PTPRD: variants seen among roughly 807,000 people sequenced by gnomAD.
The protein encoded by PTPRD is protein tyrosine phosphatase receptor type D.
Under a neutral mutation model 214.5 loss-of-function variants are expected in PTPRD, and 34 were observed. The ratio of observed to expected loss-of-function variants is 0.16; its 90% CI spans 0.12 to 0.21. PTPRD has a LOEUF of 0.21. Among genes scored for constraint, PTPRD ranks in the 10% least tolerant of loss-of-function variants. The probability of loss-of-function intolerance (pLI) is 1.00; values close to 1 mark genes in which losing one functional copy is unlikely to be tolerated. For missense variants in PTPRD, 2,545 were observed against 2,398.7 expected, an observed-to-expected ratio of 1.06 and a Z score of -1.27; for synonymous variants, 1,128 against 845.7, an observed-to-expected ratio of 1.33 and a Z score of -5.79.
chr9:9,783,982 A>C (rs879799208), intron 5 of PTPRD, among the ~76,000 whole-genome samples: 1 of 152,082 alleles, frequency 6.6e-6, no homozygotes, highest in Non-Finnish European at 1.5e-5. Context: ...AGTGGGGAAA[A>C]AATTCTTGGT....
chr9:10,249,633 A>AT (rs985381006), intron 3 of PTPRD, among the ~76,000 whole-genome samples: 5 of 152,110 alleles, frequency 3.3e-5, no homozygotes, highest in Admixed American at 2.0e-4. Flanking sequence ...ATTTTATTGC[A>AT]TTTTTTCCAA....
At chr9:8,987,475 G>C (rs530074231) in intron 11 of PTPRD, among the ~76,000 whole-genome samples, 1 of 152,106 alleles carries the variant, frequency 6.6e-6, no homozygotes, top group African/African-American at 2.4e-5. Flanking sequence ...AAGACAATAG[G>C]TGGTGGTAAT....
Position 8,557,449 on chromosome 9 carries a change from T to TACACACAC in PTPRD, c.353-28671_353-28670insGTGTGTGT, listed in dbSNP as rs1047249445. 2.6e-4 allele frequency among the ~76,000 whole-genome samples: 35 copies of TACACACAC among 135,536 alleles called. 4 individuals are homozygous for TACACACAC. The highest frequency in any genetic ancestry group is 1.0e-3 in the African/African-American group (29 of 28,578). The allele number at this position is 135,536 out of a possible 152,430, so 88.9% of individuals were successfully genotyped here. A position where few individuals can be genotyped will look rare whatever the true frequency, so the allele number is the denominator to read the frequency against. ...ATTTGTAAATACATATATATATATA[T>TACACACAC]ATATATATTTGGGCCGGGCGCGGTG... is the stretch of plus-strand genomic sequence containing the variant. On this transcript the variant is annotated intron_variant, in intron 14 of 45. Coordinates refer to ENST00000381196, the MANE Select transcript of PTPRD (RefSeq NM_002839.4).
At chr9:9,825,382 CAG>C (rs750262037) in intron 5 of PTPRD, among the ~76,000 whole-genome samples, 3 of 143,020 alleles carry the variant, frequency 2.1e-5, no homozygotes, top group African/African-American at 2.6e-5. Flanking sequence ...CACAGAGAGA[CAG>C]AGAGAGAGAG....
chr9:10,587,838 G>A (rs2074329435), intron 2 of PTPRD, among the ~76,000 whole-genome samples: 1 of 151,996 alleles, frequency 6.6e-6, no homozygotes, highest in Non-Finnish European at 1.5e-5. Flanking sequence ...TATAAGGGCT[G>A]TATAAACACA....
chr9:9,508,593 T>C (rs1469683143), intron 8 of PTPRD, among the ~76,000 whole-genome samples: 1 of 151,542 alleles, frequency 6.6e-6, no homozygotes, highest in Non-Finnish European at 1.5e-5. Flanking sequence ...TCCCTTGCTT[T>C]CCAACTAAAG....
chr9:8,365,921 C>G (rs926770160), intron 39 of PTPRD, among the ~76,000 whole-genome samples: 1 of 152,118 alleles, frequency 6.6e-6, no homozygotes, highest in African/African-American at 2.4e-5. Context: ...TGCCCCAAGT[C>G]AACCCACAGA....
At chr9:10,549,655 A>G (rs748281480) in intron 2 of PTPRD, among the ~76,000 whole-genome samples, 2 of 152,086 alleles carry the variant, frequency 1.3e-5, no homozygotes, top group African/African-American at 2.4e-5. Flanking sequence ...CCAGAAGATT[A>G]TCTCCCTTCC....
chr9:8,708,500 C>T (rs2098256347), intron 12 of PTPRD, among the ~76,000 whole-genome samples: 1 of 151,350 alleles, frequency 6.6e-6, no homozygotes, highest in Non-Finnish European at 1.5e-5. Flanking sequence ...ATGGTGAAAC[C>T]CCGTCTCTAC....
At chr9:10,566,300 T>C (rs1418953136) in intron 2 of PTPRD, among the ~76,000 whole-genome samples, 3 of 152,048 alleles carry the variant, frequency 2.0e-5, no homozygotes, top group Non-Finnish European at 4.4e-5. Flanking sequence ...ATTTGCTGGA[T>C]TGTAGGGTGT....
chr9:8,894,547 T>A (rs2098589190), intron 11 of PTPRD, among the ~76,000 whole-genome samples: 1 of 152,088 alleles, frequency 6.6e-6, no homozygotes, highest in Non-Finnish European at 1.5e-5. Context: ...TGTAAGTGGG[T>A]ATAGATGTGG....
chr9:9,550,806 T>C (rs183511720), intron 8 of PTPRD, among the ~76,000 whole-genome samples: 4 of 151,986 alleles, frequency 2.6e-5, no homozygotes, highest in Admixed American at 2.6e-4. Flanking sequence ...ACAGACATTT[T>C]ACTAAAGAGG....
rs76664360 is a variant in PTPRD at position 10,293,682 on chromosome 9, T to C, written c.-545+47281A>G. ...TGATGGCAAAAGCTTAAATTATACATCCATTTTCCAAAGTTTGGGAAAATT... is the reference window on the plus strand; with the variant it reads ...TGATGGCAAAAGCTTAAATTATACACCCATTTTCCAAAGTTTGGGAAAATT... On this transcript the variant is annotated intron_variant, in intron 3 of 45. Coordinates refer to ENST00000381196, the MANE Select transcript of PTPRD (RefSeq NM_002839.4). Among the ~76,000 whole-genome samples, 999 of 151,998 alleles carry C rather than the reference T, an allele frequency of 6.6e-3. 7 individuals carry two copies. Among genetic ancestry groups the C allele is most frequent in the African/African-American group, 0.023 (935 of 41,526 alleles).
intron 3 of PTPRD, among the ~76,000 whole-genome samples, chr9:10,283,305 G>C (rs963090637): frequency 2.6e-4 from 39 of 152,166 alleles, no homozygotes; most frequent in African/African-American, 8.7e-4. Flanking sequence ...TTCAGTGTTA[G>C]GTTTATTTCT....
intron 8 of PTPRD, among the ~76,000 whole-genome samples, chr9:9,439,246 C>T (rs9942854): frequency 0.18 from 27,936 of 151,594 alleles, 2,657 homozygotes; most frequent in Admixed American, 0.23. Flanking sequence ...TTAGTGAGTA[C>T]TCTCCCACAA....
intron 7 of PTPRD, among the ~76,000 whole-genome samples, chr9:9,625,703 C>G (rs1003213285): frequency 6.6e-6 from 1 of 152,078 alleles, no homozygotes; most frequent in African/African-American, 2.4e-5. Context: ...TGGTATGGGT[C>G]GCAGCAAGGG....
At chr9:10,496,825 T>C (rs2042191573) in intron 2 of PTPRD, among the ~76,000 whole-genome samples, 1 of 152,090 alleles carries the variant, frequency 6.6e-6, no homozygotes, top group South Asian at 2.1e-4. Flanking sequence ...CTTGTTGAAC[T>C]GCTTAAGTTC....
At chr9:9,084,523 G>C (rs1029409463) in intron 10 of PTPRD, among the ~76,000 whole-genome samples, 2 of 152,064 alleles carry the variant, frequency 1.3e-5, no homozygotes, top group Admixed American at 1.3e-4. Flanking sequence ...TGCATGTTTT[G>C]CACATGTATC....
intron 8 of PTPRD, among the ~76,000 whole-genome samples, chr9:9,515,595 A>G (rs564761152): frequency 4.6e-5 from 7 of 152,072 alleles, no homozygotes; most frequent in Non-Finnish European, 8.8e-5. Flanking sequence ...TAAATTATGT[A>G]TTCTCAACAA....
Sources: allele counts gnomAD v4.1 joint callset (sites outside exome capture counted in the v4.1 genomes callset), GRCh38; gene constraint gnomAD v4.1.1; transcripts MANE v1.5; gene names NCBI Gene and HGNC (gene_info 2026-07-23, HGNC 2026-07-21).